Variants in ANO1 observed in about 807,000 individuals in gnomAD.
The protein encoded by ANO1 is anoctamin 1.
In ANO1, 59 loss-of-function variants were observed where a neutral mutation model predicts 124.0. The ratio of observed to expected loss-of-function variants is 0.48; its 90% CI spans 0.39 to 0.59. The LOEUF (loss-of-function observed/expected upper bound fraction) is 0.59, where lower values mean the gene tolerates loss of function less well. Ranked by LOEUF, ANO1 falls within the 20% of genes least tolerant of loss-of-function variation. ANO1 has a pLI of 0.00. For synonymous variants in ANO1, 529 were observed against 532.0 expected (o/e 0.99, Z 0.08); for missense variants, 1,059 against 1,328.0 (o/e 0.80, Z 3.15).
intron 1 of ANO1, among the ~76,000 whole-genome samples, chr11:70,009,220 G>A (rs1013445812): frequency 3.3e-5 from 5 of 152,158 alleles, no homozygotes; most frequent in East Asian, 1.9e-4. Context: ...CTATGTCACC[G>A]AGCACGAGCC....
intron 1 of ANO1, among the ~76,000 whole-genome samples, chr11:70,013,042 G>C (rs1158634986): frequency 1.3e-5 from 2 of 152,230 alleles, no homozygotes; most frequent in African/African-American, 2.4e-5. Flanking sequence ...ATTTACACCA[G>C]AGGGATCTGA....
chr11:70,165,446 G>T, intron 19 of ANO1, 24 bp from the exon 20 acceptor site: 1 of 1,587,040 alleles, frequency 6.3e-7, no homozygotes. Flanking sequence ...CTGTAGCGTG[G>T]CTGATGCTGC....
chr11:70,046,655 C>T (rs139817143), intron 1 of ANO1, among the ~76,000 whole-genome samples: 333 of 152,222 alleles, frequency 2.2e-3, no homozygotes, highest in African/African-American at 7.5e-3. Context: ...TGGCAAAGAA[C>T]TCCTCAAAGC....
At chr11:70,097,461 C>T (rs769058342) in intron 2 of ANO1, among the ~76,000 whole-genome samples, 2 of 152,196 alleles carry the variant, frequency 1.3e-5, no homozygotes, top group Non-Finnish European at 2.9e-5. Flanking sequence ...TACCAGGCAC[C>T]GGCAATGACC....
At chr11:69,969,356 C>CCCAGATT in the ANO1 span, among the ~76,000 whole-genome samples, 1 of 152,186 alleles carries the variant, frequency 6.6e-6, no homozygotes, top group Admixed American at 6.5e-5. Context: ...GGTGCTGGGA[C>CCCAGATT]TGACCTGGGG....
chr11:70,028,455 C>T (rs1308604422), intron 1 of ANO1, among the ~76,000 whole-genome samples: 1 of 126,690 alleles, frequency 7.9e-6, no homozygotes, highest in Non-Finnish European at 1.8e-5. Context: ...CTTCTGCCCT[C>T]CCCCACCCCC....
At chr11:69,975,206 C>T in the ANO1 span, among the ~76,000 whole-genome samples, 521 of 152,344 alleles carry the variant, frequency 3.4e-3, 1 homozygote, top group African/African-American at 0.012. Context: ...TCCATGTTGT[C>T]CAGTTGGCCC....
chr11:69,987,720 A>ATGCTTCTAG (rs1158014671), intron 1 of ANO1, among the ~76,000 whole-genome samples: 1 of 151,880 alleles, frequency 6.6e-6, no homozygotes, highest in African/African-American at 2.4e-5. Context: ...TCACCCAGCA[A>ATGCTTCTAG]TGCTTCTAGG....
intron 1 of ANO1, among the ~76,000 whole-genome samples, chr11:70,021,822 C>T (rs1294384610): frequency 1.3e-5 from 2 of 152,204 alleles, no homozygotes; most frequent in Non-Finnish European, 2.9e-5. Context: ...AGCCCCTTCA[C>T]ATCCCACTGC....
chr11:70,156,802 G>T (rs2135680857), intron 15 of ANO1, 145 bp from the exon 16 acceptor site: 1 of 673,352 alleles, frequency 1.5e-6, no homozygotes, highest in Admixed American at 2.7e-5. Flanking sequence ...CATCACCTGT[G>T]GGCATTTTTG....
chr11:70,093,852 G>A (rs769723293), intron 2 of ANO1, among the ~76,000 whole-genome samples: 6 of 152,264 alleles, frequency 3.9e-5, no homozygotes, highest in East Asian at 1.9e-4. Flanking sequence ...TGGTGGAGAC[G>A]CAACCTCGGG....
intron 15 of ANO1, 36 bp downstream of exon 15, chr11:70,156,024 CTGTT>C (rs1565258120): frequency 6.8e-7 from 1 of 1,460,124 alleles, no homozygotes. Flanking sequence ...CGCGTCTTGA[CTGTT>C]TGCAGGCAAT....
chr11:70,017,056 T>A (rs1555002048), intron 1 of ANO1, among the ~76,000 whole-genome samples: 1 of 152,238 alleles, frequency 6.6e-6, no homozygotes, highest in African/African-American at 2.4e-5. Flanking sequence ...CAGGGCTCAC[T>A]GCCCACTTCC....
intron 1 of ANO1, among the ~76,000 whole-genome samples, chr11:70,054,666 T>C (rs1259277151): frequency 6.6e-6 from 1 of 152,278 alleles, no homozygotes; most frequent in African/African-American, 2.4e-5. Flanking sequence ...GCCTGAGTCT[T>C]GATTGAGTTT....
chr11:70,057,409 C>T (rs61886438), intron 1 of ANO1, among the ~76,000 whole-genome samples: 1,996 of 150,898 alleles, frequency 0.013, 16 homozygotes, highest in Non-Finnish European at 0.016. Flanking sequence ...GACTCCACCT[C>T]CTTAGAGTAC....
At chr11:70,153,255 C>T in intron 14 of ANO1, 127 bp downstream of exon 14, 1 of 848,572 alleles carries the variant, frequency 1.2e-6, no homozygotes, top group Non-Finnish European at 1.9e-6. Context: ...GGCTGCTCAA[C>T]TCTGCCATGG....
chr11:70,183,613 G>A (rs938125228), intron 24 of ANO1, among the ~76,000 whole-genome samples: 7 of 152,212 alleles, frequency 4.6e-5, no homozygotes, highest in African/African-American at 1.7e-4. Context: ...GAACGAGCTG[G>A]TGCGTGTGGC....
At chr11:70,174,459 A>C (rs1304460173) in intron 22 of ANO1, among the ~76,000 whole-genome samples, 2 of 152,154 alleles carry the variant, frequency 1.3e-5, no homozygotes, top group African/African-American at 4.8e-5. Context: ...CTGTCGAAAA[A>C]CAGGCCACCA....
intron 1 of ANO1, among the ~76,000 whole-genome samples, chr11:69,996,916 C>G (rs532488477): frequency 6.6e-6 from 1 of 152,124 alleles, no homozygotes; most frequent in East Asian, 1.9e-4. Flanking sequence ...GAAGCTTGTA[C>G]GGAAAATGCA....
Sources: gnomAD v4.1 joint callset for allele counts (sites outside exome capture counted in the v4.1 genomes callset) on GRCh38, gnomAD v4.1.1 for gene constraint, MANE v1.5 for transcripts, NCBI Gene and HGNC (gene_info 2026-07-23, HGNC 2026-07-21) for gene names.